The following ERGIC1 variants were observed in gnomAD, a reference collection of about 807,000 sequenced individuals.
The protein encoded by ERGIC1 is endoplasmic reticulum-Golgi intermediate compartment protein 1.
A neutral mutation model predicts 38.3 loss-of-function variants in ERGIC1; 19 were observed. The ratio of observed to expected loss-of-function variants is 0.50; its 90% CI spans 0.35 to 0.73. The LOEUF (loss-of-function observed/expected upper bound fraction) is 0.73, where lower values mean the gene tolerates loss of function less well. Among genes scored for constraint, ERGIC1 ranks in the 30% least tolerant of loss-of-function variants. The probability of loss-of-function intolerance (pLI) is 0.01; values close to 1 mark genes in which losing one functional copy is unlikely to be tolerated. For synonymous variants in ERGIC1, 124 were observed against 157.6 expected (o/e 0.79, Z 1.60); for missense variants, 294 against 389.2 (o/e 0.76, Z 2.06).
At chr5:172,872,544 G>A (rs1762042924) in intron 1 of ERGIC1, among the ~76,000 whole-genome samples, 1 of 152,140 alleles carries the variant, frequency 6.6e-6, no homozygotes, top group African/African-American at 2.4e-5. Flanking sequence ...GCCAGGCTTG[G>A]TAGCTCACAC....
At chr5:172,877,410 ATGTG>A (rs34909688) in intron 1 of ERGIC1, among the ~76,000 whole-genome samples, 12,648 of 102,632 alleles carry the variant, frequency 0.12, 1,191 homozygotes, top group East Asian at 0.17. Flanking sequence ...TATTATATAT[ATGTG>A]TGTGTGTGTG....
At chr5:172,920,652 T>G in intron 5 of ERGIC1, 1 of 565,766 alleles carries the variant, frequency 1.8e-6, no homozygotes, top group Non-Finnish European at 3.2e-6. Flanking sequence ...GGAGGGGGAG[T>G]GGGTTCCTGA....
At position 172,926,463 on chromosome 5, in the gene ERGIC1, G is replaced by A; in HGVS notation, c.481-46G>A. On this transcript the variant is annotated intron_variant, in intron 6 of 9. Transcript: ENST00000393784. This position sits in a 1 kb window ranked among gnomAD's most constrained non-coding sequence, Gnocchi z 5.2. ...CCCCACAACCAGGGCCAGGCCTGGA[G>A]GTGGAGGTGTCCTGGGGACCATCCC... is the stretch of plus-strand genomic sequence containing the variant. 2 of 1,609,386 alleles carry A rather than the reference G, an allele frequency of 1.2e-6. No individual in the cohort carries two copies. The highest frequency in any genetic ancestry group is 2.2e-5 in the East Asian group (1 of 44,842).
chr5:172,944,314 T>C (rs1190107333), intron 9 of ERGIC1, among the ~76,000 whole-genome samples: 2 of 151,758 alleles, frequency 1.3e-5, no homozygotes, highest in African/African-American at 2.4e-5. Flanking sequence ...ACCAAGCCAC[T>C]CTCAGTCAAT....
chr5:172,917,781 ACCT>A (rs2113424485), intron 5 of ERGIC1: 1 of 152,266 alleles, frequency 6.6e-6, no homozygotes, highest in South Asian at 2.1e-4. Flanking sequence ...AGTGCCTGGG[ACCT>A]CCTCAACAAC....
intron 8 of ERGIC1, chr5:172,932,760 T>C: frequency 3.5e-6 from 2 of 565,618 alleles, no homozygotes; most frequent in Non-Finnish European, 6.3e-6. Context: ...AACCAGGAGA[T>C]AGGGTGTGAT....
chr5:172,943,373 A>G (rs1263956471), intron 9 of ERGIC1, among the ~76,000 whole-genome samples: 3 of 150,556 alleles, frequency 2.0e-5, no homozygotes, highest in Non-Finnish European at 4.4e-5. Flanking sequence ...GGCCCAGTCA[A>G]CCACTTCCCT....
At chr5:172,843,593 C>T (rs1341416364) in intron 1 of ERGIC1, among the ~76,000 whole-genome samples, 1 of 152,208 alleles carries the variant, frequency 6.6e-6, no homozygotes, top group Non-Finnish European at 1.5e-5. Context: ...TCATGGTGTG[C>T]AGAAAGAGTC....
intron 1 of ERGIC1, among the ~76,000 whole-genome samples, chr5:172,875,387 A>T (rs1244931190): frequency 6.6e-6 from 1 of 152,150 alleles, no homozygotes; most frequent in Admixed American, 6.6e-5. Flanking sequence ...CAGGACAGGA[A>T]GATGGGGTTG....
intron 1 of ERGIC1, among the ~76,000 whole-genome samples, chr5:172,845,473 G>A (rs1294542618): frequency 6.6e-6 from 1 of 152,202 alleles, no homozygotes; most frequent in Admixed American, 6.5e-5. Flanking sequence ...CACAGACCAG[G>A]AGCAGCTGGG....
chr5:172,895,501 C>T (rs1430318807), intron 2 of ERGIC1, among the ~76,000 whole-genome samples: 2 of 152,064 alleles, frequency 1.3e-5, no homozygotes, highest in South Asian at 2.1e-4. Flanking sequence ...GACTCTCTGC[C>T]GTACACAATA....
At chr5:172,914,979 C>G in intron 5 of ERGIC1, 141 bp downstream of exon 5, 1 of 1,329,108 alleles carries the variant, frequency 7.5e-7, no homozygotes, top group Non-Finnish European at 1.1e-6. Flanking sequence ...GTCCAGCTGC[C>G]TGGCCGTTCC....
In ERGIC1 at chr5:172,880,718, G is replaced by A. The variant is rs540036683; in HGVS notation, c.21-7981G>A. ...GCTTTGGCTTTCTCTTCTGTAAAGC[G>A]AACGGGTTGGACACAGTGATCTCAG... On this transcript the variant is annotated intron_variant, in intron 1 of 9. Transcript: ENST00000393784. 1.2e-4 allele frequency among the ~76,000 whole-genome samples: 19 copies of A among 152,316 alleles called. No homozygotes were observed. The South Asian group carries it at 2.7e-3, about 22-fold the overall frequency.
chr5:172,940,283 T>G (rs1344687992), intron 9 of ERGIC1, among the ~76,000 whole-genome samples: 2 of 152,192 alleles, frequency 1.3e-5, no homozygotes, highest in Non-Finnish European at 2.9e-5. Context: ...TAGCCAGGCT[T>G]CTTGGAGCTT....
chr5:172,900,228 C>T (rs1009638939), intron 3 of ERGIC1, among the ~76,000 whole-genome samples: 1 of 152,168 alleles, frequency 6.6e-6, no homozygotes, highest in African/African-American at 2.4e-5. Flanking sequence ...GGGAAGGGCC[C>T]TTCCAGCAAG....
chr5:172,891,324 A>G (rs1581546047), intron 2 of ERGIC1, among the ~76,000 whole-genome samples: 1 of 151,936 alleles, frequency 6.6e-6, no homozygotes, highest in Admixed American at 6.6e-5. Flanking sequence ...CCCCATTCCT[A>G]CCGTCCACCA....
At chr5:172,937,098 T>A (rs1179679164) in intron 9 of ERGIC1, 1 of 152,204 alleles carries the variant, frequency 6.6e-6, no homozygotes, top group Admixed American at 6.5e-5. Flanking sequence ...CTGTTCTCTT[T>A]GACCACATAA....
At chr5:172,858,675 T>C (rs1394289303) in intron 1 of ERGIC1, among the ~76,000 whole-genome samples, 2 of 152,206 alleles carry the variant, frequency 1.3e-5, no homozygotes, top group East Asian at 1.9e-4. Context: ...GCTGTTAGCA[T>C]AGGCCCTACT....
At chr5:172,879,256 G>A (rs1762222988) in intron 1 of ERGIC1, among the ~76,000 whole-genome samples, 1 of 152,272 alleles carries the variant, frequency 6.6e-6, no homozygotes, top group Admixed American at 6.5e-5. Flanking sequence ...TCCAGCGGCA[G>A]TTTCCTTGCT....
Sources: allele counts gnomAD v4.1 joint callset (sites outside exome capture counted in the v4.1 genomes callset), GRCh38; gene constraint gnomAD v4.1.1; non-coding constraint Gnocchi (gnomAD v3.1); transcripts MANE v1.5; gene names NCBI Gene and HGNC (gene_info 2026-07-23, HGNC 2026-07-21).